The following MAN1A2 variants were observed in gnomAD, a reference collection of about 807,000 sequenced individuals.
MAN1A2 encodes mannosyl-oligosaccharide 1,2-alpha-mannosidase IB.
Under a neutral mutation model 75.7 loss-of-function variants are expected in MAN1A2, and 26 were observed. The ratio of observed to expected loss-of-function variants is 0.34; its 90% CI spans 0.25 to 0.48. The LOEUF is 0.48. MAN1A2 is among the 20% of genes least tolerant of loss of function. MAN1A2 has a pLI of 0.99. For missense variants in MAN1A2, 562 were observed against 775.5 expected, an observed-to-expected ratio of 0.72 and a Z score of 3.27; for synonymous variants, 247 against 264.6, an observed-to-expected ratio of 0.93 and a Z score of 0.65.
At chr1:117,386,727 C>T (rs1653537713) in intron 1 of MAN1A2, among the ~76,000 whole-genome samples, 1 of 152,082 alleles carries the variant, frequency 6.6e-6, no homozygotes, top group Non-Finnish European at 1.5e-5. Flanking sequence ...GTGGCTCATC[C>T]CTGTCTCTAG....
intron 3 of MAN1A2, among the ~76,000 whole-genome samples, chr1:117,413,515 G>C (rs1009852365): frequency 6.6e-6 from 1 of 151,942 alleles, no homozygotes; most frequent in African/African-American, 2.4e-5. Context: ...AGACAAAGCT[G>C]TTAATTATTA....
intron 2 of MAN1A2, among the ~76,000 whole-genome samples, 180 bp from the exon 3 acceptor site, chr1:117,405,369 A>G (rs888947740): frequency 1.3e-5 from 2 of 152,236 alleles, no homozygotes; most frequent in African/African-American, 4.8e-5. Flanking sequence ...CCTGTCATAT[A>G]GATGAGATTA....
intron 6 of MAN1A2, among the ~76,000 whole-genome samples, chr1:117,450,488 G>T (rs775189293): frequency 4.6e-5 from 7 of 152,236 alleles, no homozygotes; most frequent in African/African-American, 1.4e-4. Context: ...GCCTGCTGCA[G>T]AAATTTGCAT....
chr1:117,440,787 G>A (rs888440817), intron 5 of MAN1A2, among the ~76,000 whole-genome samples: 1 of 152,012 alleles, frequency 6.6e-6, no homozygotes, highest in Non-Finnish European at 1.5e-5. Context: ...GATACAAAAT[G>A]TGTGATTAAC....
chr1:117,517,026 A>G (rs2101894338), intron 12 of MAN1A2, among the ~76,000 whole-genome samples: 1 of 152,246 alleles, frequency 6.6e-6, no homozygotes, highest in South Asian at 2.1e-4. Context: ...GCCTGTTACC[A>G]GCAACCAGAC....
chr1:117,431,187 TGGGGAGAGGGAG>T (rs1557947779), intron 5 of MAN1A2, among the ~76,000 whole-genome samples: 1 of 50,898 alleles, frequency 2.0e-5, no homozygotes, highest in African/African-American at 8.1e-5. Context: ...AGGGAGACCG[TGGGGAGAGGGAG>T]GGGGAGGGGG....
At chr1:117,457,546 A>G (rs569785435) in intron 6 of MAN1A2, among the ~76,000 whole-genome samples, 12 of 152,084 alleles carry the variant, frequency 7.9e-5, no homozygotes, top group Non-Finnish European at 1.6e-4. Flanking sequence ...CTGTGACACT[A>G]TGTAAAAAAT....
intron 1 of MAN1A2, among the ~76,000 whole-genome samples, chr1:117,368,931 C>CT (rs1261973230): frequency 3.3e-5 from 5 of 152,128 alleles, no homozygotes; most frequent in African/African-American, 4.8e-5. Context: ...CCAGAGGGCT[C>CT]TCGTTTTCTG....
intron 6 of MAN1A2, among the ~76,000 whole-genome samples, chr1:117,448,403 A>G (rs904195164): frequency 6.6e-6 from 1 of 152,246 alleles, no homozygotes; most frequent in African/African-American, 2.4e-5. Context: ...AAATCTGTTC[A>G]TAGAAACAGA....
chr1:117,428,790 T>G (rs867133514), intron 5 of MAN1A2, among the ~76,000 whole-genome samples: 6 of 112,600 alleles, frequency 5.3e-5, no homozygotes, highest in Non-Finnish European at 8.3e-5. Flanking sequence ...CTTTCTTTTT[T>G]TTTTTTTTTT....
At chr1:117,394,369 A>C (rs1464686837) in intron 1 of MAN1A2, among the ~76,000 whole-genome samples, 1 of 152,180 alleles carries the variant, frequency 6.6e-6, no homozygotes, top group East Asian at 1.9e-4. Context: ...GGGGTGAGCC[A>C]CTGCGCCTGG....
At chr1:117,411,224 T>A (rs1021686687) in intron 3 of MAN1A2, among the ~76,000 whole-genome samples, 3 of 151,754 alleles carry the variant, frequency 2.0e-5, no homozygotes, top group Non-Finnish European at 4.4e-5. Flanking sequence ...CAGGACAGTA[T>A]GGTTTTAGCA....
At chr1:117,429,860 A>G (rs1426605411) in intron 5 of MAN1A2, among the ~76,000 whole-genome samples, 2 of 46,554 alleles carry the variant, frequency 4.3e-5, no homozygotes, top group African/African-American at 8.3e-5. Context: ...CGGGGGGCCG[A>G]CCCCCCCACC....
intron 12 of MAN1A2, among the ~76,000 whole-genome samples, chr1:117,505,868 G>A (rs1651346083): frequency 6.6e-6 from 1 of 151,136 alleles, no homozygotes; most frequent in South Asian, 2.1e-4. Flanking sequence ...TTTTAAAAAG[G>A]GTAATTTGAA....
chr1:117,372,008 A>C (rs1200645010), intron 1 of MAN1A2, among the ~76,000 whole-genome samples: 1 of 152,196 alleles, frequency 6.6e-6, no homozygotes, highest in Non-Finnish European at 1.5e-5. Flanking sequence ...TGAGTTTGCA[A>C]ATTCTAGTCA....
In MAN1A2 at chr1:117,526,880, C is replaced by CTCTCTCTCTCTCTCTCTCTATATATATA; in HGVS notation, c.*3924_*3925insCTCTCTCTCTCTCTCTCTATATATATAT. The CTCTCTCTCTCTCTCTCTCTATATATATA allele has an allele frequency of 7.3e-5, 4 of 54,520 alleles. No individual in the cohort carries two copies. Among genetic ancestry groups the CTCTCTCTCTCTCTCTCTCTATATATATA allele is most frequent in the African/African-American group, 2.4e-4 (3 of 12,286 alleles). The allele number at this position is 54,520 out of a possible 1,614,324, so 3.4% of individuals were successfully genotyped here. ...TCTCTCTCTCTCTCTCTCTCTCTCTCTATATATATATATATATATATATAT... is the reference window on the plus strand; with the variant it reads ...TCTCTCTCTCTCTCTCTCTCTCTCTCTCTCTCTCTCTCTCTCTCTATATATATATATATATATATATATATATATATAT... On this transcript the variant is annotated 3_prime_UTR_variant, in exon 13 of 13. Transcript: ENST00000356554.
At chr1:117,403,087 T>C (rs1408007323) in intron 2 of MAN1A2, among the ~76,000 whole-genome samples, 1 of 152,178 alleles carries the variant, frequency 6.6e-6, no homozygotes, top group Non-Finnish European at 1.5e-5. Context: ...TAATTAGAAC[T>C]CCTAAAAATT....
intron 1 of MAN1A2, among the ~76,000 whole-genome samples, chr1:117,390,241 G>A (rs940220364): frequency 6.6e-5 from 10 of 152,032 alleles, no homozygotes; most frequent in South Asian, 4.1e-4. Context: ...GATAGAATTC[G>A]TCAGTGAAAT....
chr1:117,497,051 A>G (rs1292969964), intron 10 of MAN1A2, 69 bp downstream of exon 10: 2 of 1,304,746 alleles, frequency 1.5e-6, no homozygotes. Context: ...GTTCAGCAAT[A>G]AGAAGGAGAA....
Sources: allele counts gnomAD v4.1 joint callset (sites outside exome capture counted in the v4.1 genomes callset), GRCh38; gene constraint gnomAD v4.1.1; transcripts MANE v1.5; gene names NCBI Gene and HGNC (gene_info 2026-07-23, HGNC 2026-07-21).